The following PCDHGB4 variants were observed in gnomAD, a reference collection of about 807,000 sequenced individuals.
The protein encoded by PCDHGB4 is protocadherin gamma subfamily B, 4, also known as protocadherin gamma-B4.
In PCDHGB4, 38 loss-of-function variants were observed where a neutral mutation model predicts 60.5. That is an observed-to-expected ratio of 0.63 (90% CI 0.48 to 0.82). The LOEUF (loss-of-function observed/expected upper bound fraction) is 0.82. PCDHGB4 is among the 40% of genes least tolerant of loss of function. The pLI is 0.00. For missense variants in PCDHGB4, 1,109 were observed against 1,209.6 expected (o/e 0.92, Z 1.23); for synonymous variants, 456 against 509.7 (o/e 0.89, Z 1.42).
intron 1 of PCDHGB4, chr5:141,403,792 A>G: frequency 1.2e-6 from 2 of 1,613,922 alleles, no homozygotes; most frequent in African/African-American, 1.3e-5. Context: ...TGGCATACAA[A>G]TTCTGGAAAA....
At position 141,389,675 on chromosome 5, in the gene PCDHGB4, A is replaced by C; in HGVS notation, c.1791A>C (p.Gly597=). 1 of 1,612,412 alleles carries C rather than the reference A, an allele frequency of 6.2e-7. No individual in the cohort carries two copies. The highest frequency in any genetic ancestry group is 8.5e-7 in the Non-Finnish European group (1 of 1,179,808). Residue 597 remains glycine, a synonymous_variant, in exon 1 of 4, where the codon GGA becomes GGC. Transcript: ENST00000519479. ...TKVVAVDADS[G]HNAWLSYHVL... Reference sequence around the variant, plus strand: ...TAGTGGCGGTGGACGCAGACTCAGGACACAACGCCTGGCTGTCCTACCACG... The same window carrying C: ...TAGTGGCGGTGGACGCAGACTCAGGCCACAACGCCTGGCTGTCCTACCACG...
chr5:141,421,855 C>T (rs1329066630), intron 1 of PCDHGB4: 1 of 1,613,764 alleles, frequency 6.2e-7, no homozygotes, highest in East Asian at 2.2e-5. Context: ...GGCTGCTCAC[C>T]TGCTCCTCCT....
intron 1 of PCDHGB4, chr5:141,394,974 A>T: frequency 6.2e-7 from 1 of 1,613,852 alleles, no homozygotes; most frequent in Non-Finnish European, 8.5e-7. Context: ...GCGCTGGCAC[A>T]AGTCACGCCT....
intron 1 of PCDHGB4, chr5:141,427,774 G>T: frequency 1.4e-6 from 2 of 1,420,908 alleles, no homozygotes; most frequent in Non-Finnish European, 2.0e-6. Context: ...TTGGAGCTGC[G>T]GGCACTGTCG....
intron 3 of PCDHGB4, among the ~76,000 whole-genome samples, chr5:141,505,698 G>A (rs1041309644): frequency 2.0e-5 from 3 of 152,280 alleles, no homozygotes; most frequent in Admixed American, 6.5e-5. Context: ...GGAGGAGAGC[G>A]AACAAGGAAA....
At position 141,490,328 on chromosome 5, in the gene PCDHGB4, C is replaced by T; in HGVS notation, c.2398-4479C>T. 2 of 1,614,228 alleles carry T rather than the reference C, an allele frequency of 1.2e-6. No homozygotes were observed. Among genetic ancestry groups the T allele is most frequent in the Non-Finnish European group, 1.7e-6 (2 of 1,180,048 alleles). Reference sequence around the variant, plus strand: ...TTGGCCAACCCTGTCCTAGAGAGCACACCAGTGGGCACAGTAGTGGGGTTG... The same window carrying T: ...TTGGCCAACCCTGTCCTAGAGAGCATACCAGTGGGCACAGTAGTGGGGTTG... On this transcript the variant is annotated intron_variant, in intron 1 of 3. Coordinates refer to ENST00000519479, the MANE Select transcript of PCDHGB4 (RefSeq NM_003736.4). The surrounding 1 kb of genome is among the most constrained non-coding windows in gnomAD (Gnocchi z 5.4).
intron 1 of PCDHGB4, among the ~76,000 whole-genome samples, chr5:141,470,752 C>T (rs1427502169): frequency 6.6e-6 from 1 of 152,178 alleles, no homozygotes; most frequent in Non-Finnish European, 1.5e-5. Flanking sequence ...GGCTGGAGTG[C>T]AGTGGACTCA....
At position 141,394,297 on chromosome 5, in the gene PCDHGB4, C is replaced by T. The variant is rs375160983; in HGVS notation, c.2397+4016C>T. 8.1e-6 allele frequency: 13 copies of T among 1,613,872 alleles called. No homozygotes were observed. Among genetic ancestry groups the T allele is most frequent in the African/African-American group, 1.3e-5 (1 of 74,926 alleles). ...GTCACTTACTCTGTGACCGAGGACA[C>T]GCTGCAGGGGGCGCCCCTGTCCTCG... On this transcript the variant is annotated intron_variant, in intron 1 of 3. Coordinates refer to ENST00000519479, the MANE Select transcript of PCDHGB4 (RefSeq NM_003736.4).
At position 141,400,246 on chromosome 5, in the gene PCDHGB4, G is replaced by T. The variant is rs373890751; in HGVS notation, c.2397+9965G>T. 4 of 1,613,986 alleles carry T rather than the reference G, an allele frequency of 2.5e-6. No individual in the cohort carries two copies. In the East Asian group the frequency reaches 6.7e-5, roughly 27 times the overall value. Reference sequence around the variant, plus strand: ...CTTCCTCCTGGCCGTGATTCTGGCCGTTGCCTTGCGCCTGCGACGCTCCTC... The same window carrying T: ...CTTCCTCCTGGCCGTGATTCTGGCCTTTGCCTTGCGCCTGCGACGCTCCTC... On this transcript the variant is annotated intron_variant, in intron 1 of 3. Transcript: ENST00000519479.
chr5:141,486,150 G>T lies in PCDHGB4; in HGVS notation c.2398-8657G>T. The T allele has an allele frequency of 6.2e-7, 1 of 1,614,180 alleles. No individual in the cohort carries two copies. The highest frequency in any genetic ancestry group is 8.5e-7 in the Non-Finnish European group (1 of 1,180,030). On this transcript the variant is annotated intron_variant, in intron 1 of 3. Transcript: ENST00000519479. This position sits in a 1 kb window ranked among gnomAD's most constrained non-coding sequence, Gnocchi z 5.0. The stretch of plus-strand genomic sequence containing the variant: ...TTTGATGTGCGGGCTCGCGATGGGG[G>T]TTCTCCAGCCATGGAGCAACATTGC...
rs774682943 is a variant in PCDHGB4 at position 141,493,841 on chromosome 5, T to G, written c.2398-966T>G. Among the ~76,000 whole-genome samples the G allele has an allele frequency of 3.3e-5, 5 of 152,024 alleles. No homozygotes were observed. Among genetic ancestry groups the G allele is most frequent in the Non-Finnish European group, 7.4e-5 (5 of 68,010 alleles). On this transcript the variant is annotated intron_variant, in intron 1 of 3. Transcript: ENST00000519479. This position sits in a 1 kb window ranked among gnomAD's most constrained non-coding sequence, Gnocchi z 4.3. The stretch of plus-strand genomic sequence containing the variant: ...CTCTGCTTCTGGGAGCAAGTATGAG[T>G]ATTAATTACCAGCCCACCCCAGAAC...
rs2099637746 is a variant in PCDHGB4, at chr5:141,486,980, A to G, written c.2398-7827A>G. Reference sequence around the variant, plus strand: ...TGCTGTGGACTTGGATTCAGGTTACAATGCTTGGGTTTCCTATCAGCTCCT... The same window carrying G: ...TGCTGTGGACTTGGATTCAGGTTACGATGCTTGGGTTTCCTATCAGCTCCT... On this transcript the variant is annotated intron_variant, in intron 1 of 3. Coordinates refer to ENST00000519479, the MANE Select transcript of PCDHGB4 (RefSeq NM_003736.4). This position sits in a 1 kb window ranked among gnomAD's most constrained non-coding sequence, Gnocchi z 5.0. The G allele has an allele frequency of 1.2e-6, 2 of 1,614,040 alleles. No individual in the cohort carries two copies. The highest frequency in any genetic ancestry group is 1.3e-5 in the African/African-American group (1 of 74,908).
At position 141,403,374 on chromosome 5, in the gene PCDHGB4, A is replaced by G. The variant is rs1448394920; in HGVS notation, c.2397+13093A>G. 3.1e-6 allele frequency: 5 copies of G among 1,613,936 alleles called. No individual in the cohort carries two copies. The African/African-American group carries it at 6.7e-5, about 22-fold the overall frequency. ...TTCCAGGCCGAAAGTCTGGAAGTAA[A>G]AATTAACGAAATCGCGGTTCCTGGA... On this transcript the variant is annotated intron_variant, in intron 1 of 3. Transcript: ENST00000519479.
intron 1 of PCDHGB4, among the ~76,000 whole-genome samples, chr5:141,475,567 A>G (rs1260546062): frequency 6.6e-6 from 1 of 152,244 alleles, no homozygotes; most frequent in African/African-American, 2.4e-5. Flanking sequence ...CTGTCTTCCA[A>G]CAAGCCAGAT....
Position 141,388,782 on chromosome 5 carries a change from A to C in PCDHGB4, c.898A>C (p.Thr300Pro), listed in dbSNP as rs1589071559. 1 of 1,613,784 alleles carries C rather than the reference A, an allele frequency of 6.2e-7. No homozygotes were observed. Among genetic ancestry groups the C allele is most frequent in the South Asian group, 1.1e-5 (1 of 91,076 alleles). ...CCTGAACTCTAACACCGGGGAAATTACTGTTTTAAATACATTAGATTTTGA... is the reference window on the plus strand; with the variant it reads ...CCTGAACTCTAACACCGGGGAAATTCCTGTTTTAAATACATTAGATTTTGA... ...FDLNSNTGEI[T>P]VLNTLDFEEV... Residue 300 changes from threonine to proline, a missense_variant, in exon 1 of 4, where the codon ACT becomes CCT. Thr to Pro is a conservative substitution (Grantham distance 38). This residue lies in a region of PCDHGB4 where 1,068 missense variants were observed against 1,089.9 expected (regional missense o/e 0.98). Coordinates refer to ENST00000519479, the MANE Select transcript of PCDHGB4 (RefSeq NM_003736.4).
chr5:141,424,087 A>C, intron 1 of PCDHGB4: 1 of 933,106 alleles, frequency 1.1e-6, no homozygotes, highest in Non-Finnish European at 1.3e-6. Flanking sequence ...TTCCACCATT[A>C]TTTGCTATTA....
intron 2 of PCDHGB4, among the ~76,000 whole-genome samples, chr5:141,496,008 C>CT (rs1468405718): frequency 2.0e-5 from 3 of 151,956 alleles, no homozygotes; most frequent in Non-Finnish European, 4.4e-5. Flanking sequence ...TTTATCTTGT[C>CT]TTTTTTCTCT....
Position 141,485,768 on chromosome 5 carries a change from C to A in PCDHGB4, c.2398-9039C>A, listed in dbSNP as rs759191157. 3.7e-6 allele frequency: 6 copies of A among 1,614,192 alleles called. No individual in the cohort carries two copies. Among genetic ancestry groups the A allele is most frequent in the Middle Eastern group, 1.6e-4 (1 of 6,062 alleles). On this transcript the variant is annotated intron_variant, in intron 1 of 3. Coordinates refer to ENST00000519479, the MANE Select transcript of PCDHGB4 (RefSeq NM_003736.4). The surrounding 1 kb of genome is among the most constrained non-coding windows in gnomAD (Gnocchi z 5.7). ...GGTCCCAGAGCTGCTCCTGGAGAAG[C>A]CTTTGGATCGAGAGAAGCAATCGGA...
Position 141,500,858 on chromosome 5 carries a change from A to G in PCDHGB4, c.2457-4535A>G, listed in dbSNP as rs1160743056. Among the ~76,000 whole-genome samples the G allele has an allele frequency of 3.3e-5, 5 of 150,740 alleles. No individual in the cohort carries two copies. The South Asian group carries it at 1.0e-3, about 32-fold the overall frequency. ...TAATGGGCTTTTGCTACATTAGAAA[A>G]CATACACATTCATTTACAATTTTTT... On this transcript the variant is annotated intron_variant, in intron 2 of 3. Coordinates refer to ENST00000519479, the MANE Select transcript of PCDHGB4 (RefSeq NM_003736.4).
Sources: allele counts gnomAD v4.1 joint callset (sites outside exome capture counted in the v4.1 genomes callset), GRCh38; gene constraint gnomAD v4.1.1; regional missense constraint gnomAD v4.1.1; non-coding constraint Gnocchi (gnomAD v3.1); transcripts MANE v1.5; gene names NCBI Gene and HGNC (gene_info 2026-07-23, HGNC 2026-07-21).